The following C3 variants were observed in gnomAD, a reference collection of about 807,000 sequenced individuals.
C3 encodes the protein C3 and PZP-like alpha-2-macroglobulin domain-containing protein 1.
Under a neutral mutation model 207.9 loss-of-function variants are expected in C3, and 97 were observed. The observed-to-expected ratio is 0.47, with a 90% CI of 0.40 to 0.55. The LOEUF (loss-of-function observed/expected upper bound fraction) is 0.55. C3 is among the 20% of genes least tolerant of loss of function. C3 has a pLI of 0.00. For missense variants in C3, 1,684 were observed against 2,171.7 expected, an observed-to-expected ratio of 0.78 and a Z score of 4.46; for synonymous variants, 848 against 857.6, an observed-to-expected ratio of 0.99 and a Z score of 0.20.
intron 27 of C3, among the ~76,000 whole-genome samples, chr19:6,688,152 G>A (rs538648670): frequency 6.7e-6 from 1 of 150,208 alleles, no homozygotes; most frequent in East Asian, 2.0e-4. Context: ...CCTTTTTTTT[G>A]AGACGGAGTC....
At chr19:6,707,558 G>A (rs1463133801) in intron 15 of C3, 21 bp from the exon 16 acceptor site, 1 of 1,613,714 alleles carries the variant, frequency 6.2e-7, no homozygotes. Flanking sequence ...GGCGGACCGA[G>A]AAGAAGATGG....
Position 6,719,727 on chromosome 19 carries a change from C to T in C3, c.75-324G>A, listed in dbSNP as rs1968124826. Among the ~76,000 whole-genome samples, 1 of 152,116 alleles carries T rather than the reference C, an allele frequency of 6.6e-6. No homozygotes were observed. The highest frequency in any genetic ancestry group is 1.5e-5 in the Non-Finnish European group (1 of 68,016). On this transcript the variant is annotated intron_variant, in intron 1 of 40. Coordinates refer to ENST00000245907, the MANE Select transcript of C3 (RefSeq NM_000064.4). The surrounding 1 kb of genome is among the most constrained non-coding windows in gnomAD (Gnocchi z 5.4). The stretch of plus-strand genomic sequence containing the variant: ...TCAGCAACTCCTCCAAGTCTCTGGA[C>T]TTCCAGACCCACAATCGCCTAAACC...
intron 35 of C3, 109 bp from the exon 36 acceptor site, chr19:6,680,372 G>C (rs1180990066): frequency 2.7e-6 from 2 of 731,308 alleles, no homozygotes; most frequent in South Asian, 2.8e-5. Context: ...GGAGGAAGTG[G>C]CAAAGATGAA....
In C3 at chr19:6,697,708, C is replaced by A; in HGVS notation, c.2527G>T (p.Glu843Ter). The A allele has an allele frequency of 6.2e-7, 1 of 1,614,042 alleles. No homozygotes were observed. Among genetic ancestry groups the A allele is most frequent in the South Asian group, 1.1e-5 (1 of 91,068 alleles). ...LRLPYSVVRN[E>*]QVEIRAVLYN... Reference sequence around the variant, plus strand: ...AGAACGGCTCGGATTTCCACCTGCTCGTTTCGAACAACAGAGTAGGGTAGC... The same window carrying A: ...AGAACGGCTCGGATTTCCACCTGCTAGTTTCGAACAACAGAGTAGGGTAGC... Residue 843 changes from glutamate (E) to a stop codon, truncating the protein, a stop_gained, in exon 20 of 41, where the codon GAG (glutamate) becomes TAG (stop). Transcript: ENST00000245907. LOFTEE classifies it high-confidence loss of function.
At chr19:6,712,202 G>A in intron 11 of C3, 55 bp downstream of exon 11, 2 of 1,607,176 alleles carry the variant, frequency 1.2e-6, no homozygotes, top group East Asian at 4.5e-5. Context: ...GCAAACACCA[G>A]AACCCCTGTA....
chr19:6,679,707 C>G lies in C3; in HGVS notation c.4457-211G>C, dbSNP rs138540681. Among the ~76,000 whole-genome samples, 80 of 152,228 alleles carry G rather than the reference C, an allele frequency of 5.3e-4. 1 individual carries two copies. The East Asian group carries it at 0.014, about 26-fold the overall frequency. ...CTCTTAGACTCTCAACTCACAGAAGCCTGGGACCCTCAGACCCCAAATTCA... is the reference window on the plus strand; with the variant it reads ...CTCTTAGACTCTCAACTCACAGAAGGCTGGGACCCTCAGACCCCAAATTCA... On this transcript the variant is annotated intron_variant, in intron 36 of 40. Coordinates refer to ENST00000245907, the MANE Select transcript of C3 (RefSeq NM_000064.4).
At position 6,707,188 on chromosome 19, in the gene C3, G is replaced by A; in HGVS notation, c.2133C>T (p.Thr711=). 6.2e-7 allele frequency: 1 copy of A among 1,613,792 alleles called. No homozygotes were observed. ...NPMRFSCQRR[T]RFISLGEACK... ...ACGCCTCGCCCAGGGAGATGAAACG[G>A]GTCCGGCGCTGGCACGAGAACCTCA... The change falls in exon 17 of 41, where the codon ACC becomes ACT. Residue 711 remains threonine (T), a synonymous_variant. Coordinates refer to ENST00000245907, the MANE Select transcript of C3 (RefSeq NM_000064.4).
In C3 at chr19:6,720,613, G is replaced by A; in HGVS notation, c.-24C>T. The A allele has an allele frequency of 3.3e-6, 5 of 1,494,230 alleles. No homozygotes were observed. Among genetic ancestry groups the A allele is most frequent in the Non-Finnish European group, 4.6e-6 (5 of 1,092,554 alleles). 92.6% of individuals were successfully genotyped at this position (1,494,230 alleles called of 1,614,324 possible). ...ATGGTGCTGGGACAGTGCAGGGTCAGAGGGACAGAGGGACAGAGGGAGAGG... is the reference window on the plus strand; with the variant it reads ...ATGGTGCTGGGACAGTGCAGGGTCAAAGGGACAGAGGGACAGAGGGAGAGG... On this transcript the variant is annotated 5_prime_UTR_variant, in exon 1 of 41. Transcript: ENST00000245907.
At chr19:6,696,537 C>T (rs1343587923) in intron 22 of C3, 56 bp downstream of exon 22, 16 of 1,600,816 alleles carry the variant, frequency 1.0e-5, no homozygotes, top group Non-Finnish European at 1.4e-5. Flanking sequence ...AAACCCAGGT[C>T]ATTTACCCCC....
intron 35 of C3, among the ~76,000 whole-genome samples, chr19:6,680,731 A>C (rs1301954494): frequency 6.6e-6 from 1 of 152,142 alleles, no homozygotes; most frequent in Non-Finnish European, 1.5e-5. Flanking sequence ...GTTTTGTTTT[A>C]GTAGCTATTG....
intron 36 of C3, 63 bp from the exon 37 acceptor site, chr19:6,679,559 G>A: frequency 9.0e-7 from 1 of 1,116,268 alleles, no homozygotes; most frequent in Non-Finnish European, 1.4e-6. Context: ...CCATGCCTGG[G>A]AGGCCCAGAT....
chr19:6,685,525 C>T (rs930523100), intron 29 of C3, among the ~76,000 whole-genome samples: 20 of 152,168 alleles, frequency 1.3e-4, no homozygotes, highest in South Asian at 6.2e-4. Flanking sequence ...AGAATGAAAC[C>T]GTAGCCAGAG....
Position 6,686,875 on chromosome 19 carries a change from C to T in C3, c.3517G>A (p.Gly1173Arg), listed in dbSNP as rs1209606141. ...ATGTAGTTGGCTTCAAGGAAGTCTC[C>T]TGCTTTAGTGATGCTGCCTGGCAGG... ...NSLPGSITKA[G>R]DFLEANYMNL... The change falls in exon 28 of 41, where the codon GGA becomes AGA. Residue 1173 changes from glycine to arginine, a missense_variant. Coordinates refer to ENST00000245907, the MANE Select transcript of C3 (RefSeq NM_000064.4). The T allele has an allele frequency of 6.2e-7, 1 of 1,614,212 alleles. No homozygotes were observed. Among genetic ancestry groups the T allele is most frequent in the Non-Finnish European group, 8.5e-7 (1 of 1,180,044 alleles).
chr19:6,706,174 C>T (rs1302297362), intron 17 of C3, among the ~76,000 whole-genome samples: 4 of 152,230 alleles, frequency 2.6e-5, no homozygotes, highest in Non-Finnish European at 4.4e-5. Flanking sequence ...TTGGAACTCA[C>T]CTTAGCTTTC....
At chr19:6,702,610 A>G (rs1412345381) in intron 17 of C3, 31 bp from the exon 18 acceptor site, 2 of 1,456,068 alleles carry the variant, frequency 1.4e-6, no homozygotes, top group Non-Finnish European at 1.9e-6. Flanking sequence ...CATTTAGAAC[A>G]GAGCAGGCCA....
At chr19:6,712,654 T>C (rs1178232942) in intron 9 of C3, 31 bp from the exon 10 acceptor site, 2 of 1,575,942 alleles carry the variant, frequency 1.3e-6, no homozygotes, top group African/African-American at 2.7e-5. Context: ...TGTAGGCTTC[T>C]GGGCCACCCC....
In C3 at chr19:6,720,642, G is replaced by T; in HGVS notation, c.-53C>A. The T allele has an allele frequency of 7.1e-7, 1 of 1,407,528 alleles. No homozygotes were observed. 87.2% of individuals were successfully genotyped at this position (1,407,528 alleles called of 1,614,324 possible). ...GACAGAGGGACAGAGGGAGAGGATG[G>T]GGAGGAGTGAGCAGCGCCTGCTGGA... On this transcript the variant is annotated 5_prime_UTR_variant, in exon 1 of 41. Coordinates refer to ENST00000245907, the MANE Select transcript of C3 (RefSeq NM_000064.4).
rs1968121251 is a variant in C3 at position 6,719,554 on chromosome 19, C to T, written c.75-151G>A. 5 of 680,464 alleles carry T rather than the reference C, an allele frequency of 7.3e-6. No homozygotes were observed. The highest frequency in any genetic ancestry group is 5.2e-5 in the South Asian group (3 of 57,262). The allele number at this position is 680,464 out of a possible 1,614,324, so 42.2% of individuals were successfully genotyped here. A position where few individuals can be genotyped will look rare whatever the true frequency, so the allele number is the denominator to read the frequency against. Reference sequence around the variant, plus strand: ...CCGGCGCACTTGCCAATGCCATTATCTTCTCTGGGCACTGCCACCGTCTCA... The same window carrying T: ...CCGGCGCACTTGCCAATGCCATTATTTTCTCTGGGCACTGCCACCGTCTCA... On this transcript the variant is annotated intron_variant, in intron 1 of 40. Transcript: ENST00000245907. The surrounding 1 kb of genome is among the most constrained non-coding windows in gnomAD (Gnocchi z 5.4).
At position 6,719,475 on chromosome 19, in the gene C3, C is replaced by T. The variant is rs748255336; in HGVS notation, c.75-72G>A. ...AGACGCCAGTCCTCACTGGAGTCAG[C>T]GCCTGGCAGGCTGTGTGCCCCAGCC... On this transcript the variant is annotated intron_variant, in intron 1 of 40. Transcript: ENST00000245907. This position sits in a 1 kb window ranked among gnomAD's most constrained non-coding sequence, Gnocchi z 5.4. 8.5e-6 allele frequency: 12 copies of T among 1,407,518 alleles called. No homozygotes were observed. Among genetic ancestry groups the T allele is most frequent in the African/African-American group, 2.8e-5 (2 of 70,738 alleles). The allele number at this position is 1,407,518 out of a possible 1,614,324, so 87.2% of individuals were successfully genotyped here.
Sources: gnomAD v4.1 joint callset for allele counts (sites outside exome capture counted in the v4.1 genomes callset) on GRCh38, gnomAD v4.1.1 for gene constraint, Gnocchi (gnomAD v3.1) non-coding constraint, MANE v1.5 for transcripts, NCBI Gene and HGNC (gene_info 2026-07-23, HGNC 2026-07-21) for gene names.